The following SLC7A1 variants were observed in gnomAD, a reference collection of about 807,000 sequenced individuals.
The protein encoded by SLC7A1 is high affinity cationic amino acid transporter 1.
Under a neutral mutation model 53.9 loss-of-function variants are expected in SLC7A1, and 10 were observed. That is an observed-to-expected ratio of 0.19 (90% CI 0.11 to 0.31). The LOEUF (loss-of-function observed/expected upper bound fraction) is 0.31, where lower values mean the gene tolerates loss of function less well. Ranked by LOEUF, SLC7A1 falls within the 10% of genes least tolerant of loss-of-function variation. The pLI is 1.00. For missense variants in SLC7A1, 525 were observed against 827.2 expected, an observed-to-expected ratio of 0.63 and a Z score of 4.48; for synonymous variants, 342 against 338.7, an observed-to-expected ratio of 1.01 and a Z score of -0.11.
chr13:29,555,719 C>T lies in SLC7A1; in HGVS notation c.-114-1859G>A, dbSNP rs139312782. ...GGGAAACAACTGACAACATTTGCTG[C>T]GAGTGATAAAATTTGAACTTTCAAG... On this transcript the variant is annotated intron_variant, in intron 1 of 12. Coordinates refer to ENST00000380752, the MANE Select transcript of SLC7A1 (RefSeq NM_003045.5). Among the ~76,000 whole-genome samples the T allele has an allele frequency of 1.8e-3, 273 of 152,078 alleles. 6 individuals carry two copies. In the East Asian group the frequency reaches 0.043, roughly 24 times the overall value.
At chr13:29,557,694 G>C (rs1016283342) in intron 1 of SLC7A1, among the ~76,000 whole-genome samples, 2 of 130,066 alleles carry the variant, frequency 1.5e-5, no homozygotes, top group Admixed American at 1.5e-4. Flanking sequence ...GAATATGAGT[G>C]GGGGGGAGTG....
intron 8 of SLC7A1, among the ~76,000 whole-genome samples, chr13:29,520,862 C>A (rs575779365): frequency 6.6e-6 from 1 of 152,350 alleles, no homozygotes; most frequent in South Asian, 2.1e-4. Context: ...TCACGGGAAA[C>A]TTGAGACTAA....
intron 8 of SLC7A1, among the ~76,000 whole-genome samples, chr13:29,521,786 G>C (rs967996890): frequency 1.3e-5 from 2 of 152,184 alleles, no homozygotes; most frequent in African/African-American, 4.8e-5. Flanking sequence ...CTGACAAGAT[G>C]AAACTCCACT....
chr13:29,567,377 A>C (rs1871013184), intron 1 of SLC7A1, among the ~76,000 whole-genome samples: 1 of 152,154 alleles, frequency 6.6e-6, no homozygotes, highest in Non-Finnish European at 1.5e-5. Flanking sequence ...GAAGAGTAAA[A>C]GCTCATCAGG....
intron 1 of SLC7A1, among the ~76,000 whole-genome samples, chr13:29,573,702 G>C (rs1277557915): frequency 6.6e-6 from 1 of 152,200 alleles, no homozygotes; most frequent in African/African-American, 2.4e-5. Context: ...ATATCACAAT[G>C]ATGTCCCAAA....
At chr13:29,589,794 G>A (rs1345539828) in intron 1 of SLC7A1, among the ~76,000 whole-genome samples, 1 of 152,156 alleles carries the variant, frequency 6.6e-6, no homozygotes, top group African/African-American at 2.4e-5. Context: ...GGTACAGGCA[G>A]ACATCTGGGT....
intron 2 of SLC7A1, among the ~76,000 whole-genome samples, chr13:29,548,190 G>T (rs746313682): frequency 3.3e-5 from 5 of 152,188 alleles, no homozygotes; most frequent in Non-Finnish European, 5.9e-5. Context: ...TCTCTCACCC[G>T]ATAGCCTCCA....
Position 29,517,562 on chromosome 13 carries a change from C to T in SLC7A1, c.1510+11G>A. ...CAACAAGCAAGGCCCCAGGGAAGGG[C>T]TAGCTCTTACCTATGAGGCTGGTTG... On this transcript the variant is annotated intron_variant, in intron 10 of 12. Transcript: ENST00000380752. The T allele has an allele frequency of 1.2e-6, 2 of 1,604,938 alleles. No homozygotes were observed. The highest frequency in any genetic ancestry group is 1.7e-6 in the Non-Finnish European group (2 of 1,171,678).
At chr13:29,547,231 T>C (rs1202928462) in intron 2 of SLC7A1, among the ~76,000 whole-genome samples, 2 of 152,236 alleles carry the variant, frequency 1.3e-5, no homozygotes, top group African/African-American at 4.8e-5. Context: ...AAGCCCATTA[T>C]TATTCATGCC....
rs767310993 is a variant in SLC7A1, at chr13:29,524,141, C to T, written c.817G>A (p.Ala273Thr). The part of the protein sequence containing the change: ...FYAFVGFDCI[A>T]TTGEEVKNPQ... Reference sequence around the variant, plus strand: ...TGGCTGGCGGACATACCTGTGGTGGCGATGCAGTCAAAGCCCACGAAGGCA... The same window carrying T: ...TGGCTGGCGGACATACCTGTGGTGGTGATGCAGTCAAAGCCCACGAAGGCA... Residue 273 changes from alanine (A) to threonine (T), a missense_variant, in exon 6 of 13, where the codon GCC (alanine) becomes ACC (threonine). Coordinates refer to ENST00000380752, the MANE Select transcript of SLC7A1 (RefSeq NM_003045.5). The T allele has an allele frequency of 1.9e-6, 3 of 1,612,630 alleles. No individual in the cohort carries two copies. Among genetic ancestry groups the T allele is most frequent in the Non-Finnish European group, 2.5e-6 (3 of 1,179,714 alleles).
rs1298179743 is a variant in SLC7A1 at position 29,524,184 on chromosome 13, C to T, written c.774G>A (p.Gly258=). 6.8e-6 allele frequency: 11 copies of T among 1,614,074 alleles called. No homozygotes were observed. The highest frequency in any genetic ancestry group is 8.5e-6 in the Non-Finnish European group (10 of 1,179,980). Residue 258 remains glycine, a synonymous_variant, in exon 6 of 13, where the codon GGG becomes GGA. Coordinates refer to ENST00000380752, the MANE Select transcript of SLC7A1 (RefSeq NM_003045.5). The stretch of plus-strand genomic sequence containing the variant: ...CGAAGGCATAGAAGCAAGTCGCTGC[C>T]CCCGACAGGACACCAGAGAACCCGA... The part of the protein sequence containing the change: ...MPFGFSGVLS[G]AATCFYAFVG...
intron 2 of SLC7A1, among the ~76,000 whole-genome samples, chr13:29,538,373 A>G (rs1303619833): frequency 1.3e-5 from 2 of 152,178 alleles, no homozygotes; most frequent in African/African-American, 4.8e-5. Context: ...AGAGCAGGAA[A>G]AGGGCCCCTG....
intron 4 of SLC7A1, among the ~76,000 whole-genome samples, chr13:29,532,196 C>T (rs1257285345): frequency 6.6e-6 from 1 of 152,198 alleles, no homozygotes; most frequent in African/African-American, 2.4e-5. Context: ...GTTTATGGAG[C>T]CCCACAGAGC....
In SLC7A1 at chr13:29,523,206, A is replaced by AG. The variant is rs1294036213; in HGVS notation, c.1049+59dup. 4.9e-6 allele frequency: 7 copies of AG among 1,418,112 alleles called. No homozygotes were observed. In the Admixed American group the frequency reaches 1.2e-4, roughly 24 times the overall value. The allele number at this position is 1,418,112 out of a possible 1,614,324, so 87.8% of individuals were successfully genotyped here. The stretch of plus-strand genomic sequence containing the variant: ...CGCATGGCTGTACCTGGCCTGCTAT[A>AG]GCCTAACCCCTGCTGGTGGTTCCAC... On this transcript the variant is annotated intron_variant, in intron 7 of 12. Coordinates refer to ENST00000380752, the MANE Select transcript of SLC7A1 (RefSeq NM_003045.5).
At chr13:29,587,889 G>GA (rs1328966113) in intron 1 of SLC7A1, among the ~76,000 whole-genome samples, 1 of 152,196 alleles carries the variant, frequency 6.6e-6, no homozygotes, top group African/African-American at 2.4e-5. Flanking sequence ...GTGGTGGAGG[G>GA]ATCACGAGTC....
chr13:29,514,504 G>A lies in SLC7A1; in HGVS notation c.1866C>T (p.Asp622=), dbSNP rs776655733. The change falls in exon 13 of 13, where the codon GAC becomes GAT. Residue 622 remains aspartate (D), a synonymous_variant. Coordinates refer to ENST00000380752, the MANE Select transcript of SLC7A1 (RefSeq NM_003045.5). ...GTCACTTGCACTGGTCCAAGTTGCC[G>A]TCAGGAGTCCTTGCTTGGTCGGCAT... ...SLDADQARTP[D]GNLDQCK 1.9e-5 allele frequency: 30 copies of A among 1,610,648 alleles called. No individual in the cohort carries two copies. Among genetic ancestry groups the A allele is most frequent in the Non-Finnish European group, 2.2e-5 (26 of 1,179,772 alleles).
intron 3 of SLC7A1, among the ~76,000 whole-genome samples, chr13:29,534,583 T>C (rs2150688): frequency 0.77 from 116,777 of 152,056 alleles, 45,787 homozygotes; most frequent in Non-Finnish European, 0.85. Flanking sequence ...AGAATGTGAG[T>C]GTGTGCCCTC....
intron 1 of SLC7A1, among the ~76,000 whole-genome samples, chr13:29,593,512 A>G (rs1872190562): frequency 6.6e-6 from 1 of 152,232 alleles, no homozygotes; most frequent in South Asian, 2.1e-4. Flanking sequence ...ACTTATTCAC[A>G]TTTCAAATTT....
In SLC7A1 at chr13:29,514,274, C is replaced by T. The variant is rs1883486917; in HGVS notation, c.*206G>A. 4 of 567,704 alleles carry T rather than the reference C, an allele frequency of 7.0e-6. No homozygotes were observed. The highest frequency in any genetic ancestry group is 1.3e-5 in the Non-Finnish European group (4 of 316,316). The allele number at this position is 567,704 out of a possible 1,614,324, so 35.2% of individuals were successfully genotyped here. A position where few individuals can be genotyped will look rare whatever the true frequency, so the allele number is the denominator to read the frequency against. On this transcript the variant is annotated 3_prime_UTR_variant, in exon 13 of 13. Coordinates refer to ENST00000380752, the MANE Select transcript of SLC7A1 (RefSeq NM_003045.5). ...CAGCCTAGTGGCCCCGGCCAGGCAG[C>T]TGTCTGGAGGTGACCAGGGCCCGGA...
Sources: allele counts gnomAD v4.1 joint callset (sites outside exome capture counted in the v4.1 genomes callset), GRCh38; gene constraint gnomAD v4.1.1; transcripts MANE v1.5; gene names NCBI Gene and HGNC (gene_info 2026-07-23, HGNC 2026-07-21).